CRTC1: variants seen among roughly 807,000 people sequenced by gnomAD.
CRTC1 encodes the protein CREB-regulated transcription coactivator 1.
Under a neutral mutation model 66.1 loss-of-function variants are expected in CRTC1, and 18 were observed. The ratio of observed to expected loss-of-function variants is 0.27; its 90% confidence interval spans 0.19 to 0.40. The LOEUF is 0.40. Among genes scored for constraint, CRTC1 ranks in the 10% least tolerant of loss-of-function variants. CRTC1 has a pLI of 1.00. For missense variants in CRTC1, 669 were observed against 887.9 expected, an observed-to-expected ratio of 0.75 and a Z score of 3.13; for synonymous variants, 416 against 398.8, an observed-to-expected ratio of 1.04 and a Z score of -0.51.
chr19:18,712,358 A>C (rs531781645), intron 1 of CRTC1, among the ~76,000 whole-genome samples: 1 of 152,148 alleles, frequency 6.6e-6, no homozygotes, highest in East Asian at 1.9e-4. Flanking sequence ...TCCCGGGTTT[A>C]AGTGATTCTC....
intron 1 of CRTC1, among the ~76,000 whole-genome samples, chr19:18,720,030 A>G (rs1178852466): frequency 6.6e-6 from 1 of 152,230 alleles, no homozygotes; most frequent in Non-Finnish European, 1.5e-5. Flanking sequence ...TCAATTGGTG[A>G]TAAGATTTAA....
At chr19:18,775,344 G>T (rs1471585273) in intron 12 of CRTC1, among the ~76,000 whole-genome samples, 1 of 152,240 alleles carries the variant, frequency 6.6e-6, no homozygotes, top group African/African-American at 2.4e-5. Context: ...CCGGGAGGTC[G>T]TGCTGGCTTT....
rs2055004855 is a variant in CRTC1, at chr19:18,777,058, G to A, written c.1694-113G>A. 1 of 665,528 alleles carries A rather than the reference G, an allele frequency of 1.5e-6. No individual in the cohort carries two copies. The highest frequency in any genetic ancestry group is 1.7e-5 in the South Asian group (1 of 58,818). 41.2% of individuals were successfully genotyped at this position (665,528 alleles called of 1,614,324 possible). A position where few individuals can be genotyped will look rare whatever the true frequency, so the allele number is the denominator to read the frequency against. The stretch of plus-strand genomic sequence containing the variant: ...GACAGCTGGAATGTCCCCAGACATT[G>A]CCAGCATACCCAGGGGACAGAGTCG... On this transcript the variant is annotated intron_variant, in intron 13 of 13. Coordinates refer to ENST00000321949, the MANE Select transcript of CRTC1 (RefSeq NM_015321.3). The surrounding 1 kb of genome is among the most constrained non-coding windows in gnomAD (Gnocchi z 5.5).
At chr19:18,694,389 G>T (rs2052934257) in intron 1 of CRTC1, among the ~76,000 whole-genome samples, 1 of 151,712 alleles carries the variant, frequency 6.6e-6, no homozygotes, top group South Asian at 2.1e-4. Context: ...CTAATCCAGA[G>T]CTCTGTAAGC....
intron 1 of CRTC1, among the ~76,000 whole-genome samples, chr19:18,728,815 C>CTTGTTTTTTTTTTTTTTTTTTTTTT (rs2053818641): frequency 1.3e-5 from 1 of 79,390 alleles, no homozygotes; most frequent in African/African-American, 5.9e-5. Context: ...CTCACCTGGC[C>CTTGTTTTTTTTTTTTTTTTTTTTTT]TTTTTTTTTT....
At chr19:18,743,340 TC>T (rs1189454735) in intron 2 of CRTC1, among the ~76,000 whole-genome samples, 1 of 152,242 alleles carries the variant, frequency 6.6e-6, no homozygotes, top group Non-Finnish European at 1.5e-5. Flanking sequence ...CTTGGCTCTG[TC>T]CTGCCTCACT....
At position 18,780,191 on chromosome 19, in the gene CRTC1, G is replaced by A. The variant is rs117284834; in HGVS notation, c.*2809G>A. 2.6e-5 allele frequency: 6 copies of A among 231,608 alleles called. No individual in the cohort carries two copies. Among genetic ancestry groups the A allele is most frequent in the African/African-American group, 4.4e-5 (2 of 45,326 alleles). 14.3% of individuals were successfully genotyped at this position (231,608 alleles called of 1,614,324 possible). ...GCCGTCTGTGTCCTTGGTCAGGCCC[G>A]GATGCTTGGTCTACACTGGGTTAGA... On this transcript the variant is annotated 3_prime_UTR_variant, in exon 14 of 14. Transcript: ENST00000321949.
chr19:18,760,281 A>C lies in CRTC1; in HGVS notation c.886+53A>C. 1 of 1,380,294 alleles carries C rather than the reference A, an allele frequency of 7.2e-7. No individual in the cohort carries two copies. The highest frequency in any genetic ancestry group is 1.0e-6 in the Non-Finnish European group (1 of 1,003,166). 85.5% of individuals were successfully genotyped at this position (1,380,294 alleles called of 1,614,324 possible). On this transcript the variant is annotated intron_variant, in intron 8 of 13. Transcript: ENST00000321949. This position sits in a 1 kb window ranked among gnomAD's most constrained non-coding sequence, Gnocchi z 6.2. ...CAGAGCACTGGCTTGTGGAGACAAC[A>C]CGGGCATCTGCAGGATGACTTGGCA...
chr19:18,702,198 C>T (rs1252267869), intron 1 of CRTC1, among the ~76,000 whole-genome samples: 2 of 151,300 alleles, frequency 1.3e-5, no homozygotes, highest in Non-Finnish European at 2.9e-5. Context: ...GCTGGCATTA[C>T]AGGCGTGAGC....
At chr19:18,773,902 C>G (rs1261096248) in intron 11 of CRTC1, among the ~76,000 whole-genome samples, 1 of 152,182 alleles carries the variant, frequency 6.6e-6, no homozygotes, top group Admixed American at 6.5e-5. Context: ...GCGTTGGGAT[C>G]TTCCTGGAAC....
intron 1 of CRTC1, among the ~76,000 whole-genome samples, chr19:18,725,975 C>A: frequency 6.6e-6 from 1 of 152,214 alleles, no homozygotes; most frequent in Non-Finnish European, 1.5e-5. Context: ...TGTGCCCATG[C>A]AGATCTGCAG....
chr19:18,688,426 T>G (rs1568474101), intron 1 of CRTC1, among the ~76,000 whole-genome samples: 1 of 151,620 alleles, frequency 6.6e-6, no homozygotes, highest in African/African-American at 2.4e-5. Flanking sequence ...TCCCTGCTTG[T>G]TTTGTTTGTT....
At chr19:18,750,114 C>T (rs905808072) in intron 5 of CRTC1, among the ~76,000 whole-genome samples, 1 of 152,232 alleles carries the variant, frequency 6.6e-6, no homozygotes, top group African/African-American at 2.4e-5. Context: ...CGCACGTTGG[C>T]TCCCATTCCT....
intron 2 of CRTC1, among the ~76,000 whole-genome samples, chr19:18,744,883 C>A (rs1317078767): frequency 6.6e-6 from 1 of 152,186 alleles, no homozygotes; most frequent in Non-Finnish European, 1.5e-5. Flanking sequence ...GACAAAGCAG[C>A]AATCCTAGCC....
rs60907638 is a variant in CRTC1, at chr19:18,727,580, C to CAAAAAAAAAAAAAA, written c.127-15326_127-15313dup. Among the ~76,000 whole-genome samples the CAAAAAAAAAAAAAA allele has an allele frequency of 7.4e-3, 381 of 51,710 alleles. 32 individuals are homozygous for CAAAAAAAAAAAAAA. The highest frequency in any genetic ancestry group is 0.013 in the South Asian group (12 of 912). 33.9% of individuals were successfully genotyped at this position (51,710 alleles called of 152,430 possible). On this transcript the variant is annotated intron_variant, in intron 1 of 13. Transcript: ENST00000321949. ...TGGGTGACAGAGCAAGACTCTGTCT[C>CAAAAAAAAAAAAAA]AAAAAAAAAAAAAAAAAGAAGAAGA... is the stretch of plus-strand genomic sequence containing the variant.
At chr19:18,762,939 C>T (rs2054647063) in intron 8 of CRTC1, among the ~76,000 whole-genome samples, 1 of 152,232 alleles carries the variant, frequency 6.6e-6, no homozygotes, top group Non-Finnish European at 1.5e-5. Flanking sequence ...AGTTGTGCAT[C>T]TGTAATACAG....
chr19:18,729,018 G>A (rs1352270525), intron 1 of CRTC1, among the ~76,000 whole-genome samples: 2 of 149,780 alleles, frequency 1.3e-5, no homozygotes, highest in African/African-American at 4.9e-5. Context: ...CCACCATGTT[G>A]GCCAGGCTGG....
chr19:18,693,207 A>G (rs1038063156), intron 1 of CRTC1, among the ~76,000 whole-genome samples: 1 of 151,848 alleles, frequency 6.6e-6, no homozygotes, highest in Non-Finnish European at 1.5e-5. Context: ...TGGGCAACAT[A>G]GTGAAACTCT....
chr19:18,767,328 G>T (rs1197570085), intron 9 of CRTC1, among the ~76,000 whole-genome samples: 1 of 152,046 alleles, frequency 6.6e-6, no homozygotes, highest in Non-Finnish European at 1.5e-5. Context: ...CTCCCAAGTA[G>T]CTGGGATTAC....
Sources: allele counts gnomAD v4.1 joint callset (sites outside exome capture counted in the v4.1 genomes callset), GRCh38; gene constraint gnomAD v4.1.1; non-coding constraint Gnocchi (gnomAD v3.1); transcripts MANE v1.5; gene names NCBI Gene and HGNC (gene_info 2026-07-23, HGNC 2026-07-21).